The following ABCC5 variants were observed in gnomAD, a reference collection of about 807,000 sequenced individuals.
The protein encoded by ABCC5 is ATP-binding cassette sub-family C member 5.
In ABCC5, 61 loss-of-function variants were observed where a neutral mutation model predicts 160.9. The observed-to-expected ratio is 0.38, with a 90% CI of 0.31 to 0.47. The LOEUF is 0.47. Among genes scored for constraint, ABCC5 ranks in the 20% least tolerant of loss-of-function variants. The pLI, the probability that ABCC5 is intolerant of heterozygous loss-of-function variation, is 0.99. For missense variants in ABCC5, 1,308 were observed against 1,813.3 expected, an observed-to-expected ratio of 0.72 and a Z score of 5.06; for synonymous variants, 666 against 700.6, an observed-to-expected ratio of 0.95 and a Z score of 0.78.
chr3:183,978,653 T>C lies in ABCC5; in HGVS notation c.1148-2A>G. On this transcript the variant is annotated splice_acceptor_variant, in intron 8 of 29. Transcript: ENST00000334444. LOFTEE classifies it high-confidence loss of function. ...TCCGACGCTCCTCCTCGCGGATTTC[T>C]ATGAATAAAAAGCAAGCCAATTTCA... 6.2e-7 allele frequency: 1 copy of C among 1,612,236 alleles called. No homozygotes were observed. The highest frequency in any genetic ancestry group is 8.5e-7 in the Non-Finnish European group (1 of 1,179,316).
intron 26 of ABCC5, among the ~76,000 whole-genome samples, chr3:183,934,346 G>T (rs1222493251): frequency 3.9e-5 from 6 of 152,190 alleles, no homozygotes; most frequent in Non-Finnish European, 8.8e-5. Context: ...TAACAAACCT[G>T]AGAGGATAAA....
intron 26 of ABCC5, 49 bp downstream of exon 26, chr3:183,937,852 A>G: frequency 6.2e-7 from 1 of 1,601,468 alleles, no homozygotes; most frequent in Non-Finnish European, 8.5e-7. Context: ...CCACATGCTC[A>G]TCTGGCCTCT....
chr3:183,943,082 C>T, intron 24 of ABCC5, among the ~76,000 whole-genome samples, 166 bp from the exon 25 acceptor site: 1 of 152,220 alleles, frequency 6.6e-6, no homozygotes, highest in Non-Finnish European at 1.5e-5. Flanking sequence ...TGCTTATCAT[C>T]ACTAAACTCG....
chr3:183,963,172 A>C lies in ABCC5; in HGVS notation c.2235+213T>G, dbSNP rs1400491690. Reference sequence around the variant, plus strand: ...CTTTTACTTGCTGATCTATATGCAGAAGCTGATATGCTCCAAGGATCTCTG... The same window carrying C: ...CTTTTACTTGCTGATCTATATGCAGCAGCTGATATGCTCCAAGGATCTCTG... On this transcript the variant is annotated intron_variant, in intron 15 of 29. Coordinates refer to ENST00000334444, the MANE Select transcript of ABCC5 (RefSeq NM_005688.4). The surrounding 1 kb of genome is among the most constrained non-coding windows in gnomAD (Gnocchi z 4.6). Among the ~76,000 whole-genome samples, 1 of 152,218 alleles carries C rather than the reference A, an allele frequency of 6.6e-6. No homozygotes were observed. Among genetic ancestry groups the C allele is most frequent in the African/African-American group, 2.4e-5 (1 of 41,460 alleles).
intron 8 of ABCC5, among the ~76,000 whole-genome samples, chr3:183,978,948 T>C (rs889439713): frequency 6.6e-6 from 1 of 152,240 alleles, no homozygotes. Context: ...ATTAATTGTA[T>C]CTATAATTGG....
chr3:183,960,086 T>C (rs1716585173), intron 16 of ABCC5, among the ~76,000 whole-genome samples: 1 of 152,242 alleles, frequency 6.6e-6, no homozygotes, highest in Non-Finnish European at 1.5e-5. Flanking sequence ...CTTTATTCTG[T>C]TCTTGTCCAT....
Position 183,988,420 on chromosome 3 carries a change from G to T in ABCC5, c.443+152C>A. ...GATCAAAGGTGAAATAGGAGATAAA[G>T]CAAAAGAGCAAAGAGAAAGTCATCC... On this transcript the variant is annotated intron_variant, in intron 4 of 29. Transcript: ENST00000334444. The surrounding 1 kb of genome is among the most constrained non-coding windows in gnomAD (Gnocchi z 4.4). 1.1e-6 allele frequency: 1 copy of T among 877,010 alleles called. No homozygotes were observed. The highest frequency in any genetic ancestry group is 1.7e-6 in the Non-Finnish European group (1 of 589,074). 54.3% of individuals were successfully genotyped at this position (877,010 alleles called of 1,614,324 possible).
chr3:183,947,699 G>A (rs1714976397), intron 22 of ABCC5, among the ~76,000 whole-genome samples, 189 bp from the exon 23 acceptor site: 1 of 152,048 alleles, frequency 6.6e-6, no homozygotes, highest in South Asian at 2.1e-4. Context: ...GCATGCATAG[G>A]AGGACATTAA....
intron 2 of ABCC5, among the ~76,000 whole-genome samples, chr3:184,006,168 C>T (rs7625464): frequency 0.63 from 94,911 of 151,778 alleles, 30,576 homozygotes; most frequent in East Asian, 0.85. Context: ...ACTGTTGTTA[C>T]CTCAGCCGGA....
At chr3:183,984,340 A>G (rs1423301196) in intron 5 of ABCC5, 2 of 985,912 alleles carry the variant, frequency 2.0e-6, no homozygotes, top group East Asian at 2.3e-4. Context: ...CCCACCCTAA[A>G]GGAAGAAAAA....
chr3:183,967,688 AT>A lies in ABCC5; in HGVS notation c.1833+6del. ...GCAGCAGAAAAGGACAATAACAAAA[AT>A]CTTACCTGGCCTAAAATGGCTGAAA... On this transcript the variant is annotated splice_donor_region_variant and intron_variant, in intron 12 of 29. Coordinates refer to ENST00000334444, the MANE Select transcript of ABCC5 (RefSeq NM_005688.4). 10 of 1,611,834 alleles carry A rather than the reference AT, an allele frequency of 6.2e-6. No individual in the cohort carries two copies. Among genetic ancestry groups the A allele is most frequent in the Non-Finnish European group, 8.5e-6 (10 of 1,177,964 alleles).
Position 183,977,587 on chromosome 3 carries a change from A to G in ABCC5, c.1334T>C (p.Phe445Ser). ...TVVTVFNSMT[F>S]ALKVTPFSVK... ...TGAAAACGGTGTTACTTTCAAAGCA[A>G]AAGTCATGGAATTGAAGACTGTCAC... Residue 445 changes from phenylalanine (F) to serine (S), a missense_variant, in exon 10 of 30, where the codon TTT (phenylalanine) becomes TCT (serine). Physicochemically the swap from Phe to Ser is radical, Grantham distance 155 (BLOSUM62 -2). Transcript: ENST00000334444. 1 of 1,614,100 alleles carries G rather than the reference A, an allele frequency of 6.2e-7. No individual in the cohort carries two copies. Among genetic ancestry groups the G allele is most frequent in the Admixed American group, 1.7e-5 (1 of 60,018 alleles).
intron 17 of ABCC5, among the ~76,000 whole-genome samples, chr3:183,956,919 C>T (rs1273272454): frequency 2.9e-5 from 4 of 136,680 alleles, no homozygotes; most frequent in Admixed American, 7.3e-5. Context: ...CATGCAGATC[C>T]GTGTGTAAAT....
chr3:183,947,228 G>T, intron 23 of ABCC5, 96 bp downstream of exon 23: 1 of 1,290,492 alleles, frequency 7.7e-7, no homozygotes, highest in Non-Finnish European at 1.0e-6. Context: ...GTGAAATAAT[G>T]GCTCAGGGTG....
chr3:183,959,139 C>T (rs1179529657), intron 17 of ABCC5, among the ~76,000 whole-genome samples: 10 of 151,874 alleles, frequency 6.6e-5, no homozygotes, highest in Admixed American at 3.9e-4. Context: ...TGAAAATGCC[C>T]ACATTATTGC....
At chr3:183,999,109 A>T (rs905498970) in intron 2 of ABCC5, among the ~76,000 whole-genome samples, 6 of 151,990 alleles carry the variant, frequency 3.9e-5, no homozygotes, top group African/African-American at 1.4e-4. Context: ...AAAGAAAAAA[A>T]AAAAGAAACA....
chr3:183,932,900 C>T (rs925868704), intron 26 of ABCC5, among the ~76,000 whole-genome samples: 1 of 152,128 alleles, frequency 6.6e-6, no homozygotes, highest in African/African-American at 2.4e-5. Flanking sequence ...AATGGTGGCT[C>T]ATGGCTGTAA....
chr3:183,955,049 G>C (rs753681647), intron 17 of ABCC5, among the ~76,000 whole-genome samples: 1 of 152,122 alleles, frequency 6.6e-6, no homozygotes, highest in Non-Finnish European at 1.5e-5. Context: ...GTGGGGGACA[G>C]GGTGTGGACG....
intron 18 of ABCC5, 36 bp downstream of exon 18, chr3:183,953,050 T>C (rs1262512570): frequency 3.8e-6 from 6 of 1,586,194 alleles, no homozygotes; most frequent in East Asian, 2.2e-5. Context: ...GCCACATTCT[T>C]AGACACAGAA....
Sources: gnomAD v4.1 joint callset for allele counts (sites outside exome capture counted in the v4.1 genomes callset) on GRCh38, gnomAD v4.1.1 for gene constraint, Gnocchi (gnomAD v3.1) non-coding constraint, MANE v1.5 for transcripts, NCBI Gene and HGNC (gene_info 2026-07-23, HGNC 2026-07-21) for gene names.